Variants in PHACTR2 observed in about 807,000 individuals in gnomAD.
PHACTR2 encodes phosphatase and actin regulator 2.
A neutral mutation model predicts 76.0 loss-of-function variants in PHACTR2; 30 were observed. The ratio of observed to expected loss-of-function variants is 0.39; its 90% CI spans 0.30 to 0.54. The LOEUF is 0.54. PHACTR2 is among the 20% of genes least tolerant of loss of function. PHACTR2 has a pLI of 0.61. For missense variants in PHACTR2, 696 were observed against 781.1 expected, an observed-to-expected ratio of 0.89 and a Z score of 1.30; for synonymous variants, 292 against 292.5, an observed-to-expected ratio of 1.00 and a Z score of 0.02.
chr6:143,817,209 C>G (rs983573415), intron 12 of PHACTR2, among the ~76,000 whole-genome samples: 1 of 152,184 alleles, frequency 6.6e-6, no homozygotes, highest in African/African-American at 2.4e-5. Context: ...ATCCTTGCCC[C>G]TTGAATTCAA....
chr6:143,537,597 C>T lies in PHACTR2; in HGVS notation c.217+390C>T, dbSNP rs2128425964. ...GCGACTTTGGTCCCTCGGAAGGGTG[C>T]GGTTCCCTCACTTTGCGGGCTGGGA... On this transcript the variant is annotated intron_variant, in intron 1 of 11. Coordinates refer to the PHACTR2 transcript ENST00000367584. This position sits in a 1 kb window ranked among gnomAD's most constrained non-coding sequence, Gnocchi z 4.4. 1.3e-5 allele frequency among the ~76,000 whole-genome samples: 2 copies of T among 152,254 alleles called. No individual in the cohort carries two copies. Among genetic ancestry groups the T allele is most frequent in the South Asian group, 4.2e-4 (2 of 4,818 alleles).
intron 1 of PHACTR2, among the ~76,000 whole-genome samples, chr6:143,629,864 G>A (rs569798730): frequency 3.3e-5 from 5 of 152,228 alleles, no homozygotes; most frequent in Admixed American, 6.5e-5. Context: ...GTTCTGTGTC[G>A]TGTGTTATTC....
intron 2 of PHACTR2, among the ~76,000 whole-genome samples, chr6:143,714,836 A>T (rs537729817): frequency 6.6e-6 from 1 of 152,036 alleles, no homozygotes; most frequent in Non-Finnish European, 1.5e-5. Context: ...TTTCCCCTAC[A>T]TAATCATTTT....
At position 143,782,133 on chromosome 6, in the gene PHACTR2, T is replaced by A. The variant is rs938275490; in HGVS notation, c.1646-1086T>A. Among the ~76,000 whole-genome samples, 48 of 152,166 alleles carry A rather than the reference T, an allele frequency of 3.2e-4. No individual in the cohort carries two copies. The highest frequency in any genetic ancestry group is 5.1e-4 in the Non-Finnish European group (35 of 67,994). On this transcript the variant is annotated intron_variant, in intron 9 of 12. Transcript: ENST00000440869. The surrounding 1 kb of genome is among the most constrained non-coding windows in gnomAD (Gnocchi z 4.6). ...TCATACCTGTCATGGATTAAAAAAA[T>A]TTTTTTTAATTGAACCCGGGAAGCG...
rs1183834885 is a variant in PHACTR2 at position 143,591,379 on chromosome 6, C to A, written c.217+54172C>A. 6.6e-6 allele frequency among the ~76,000 whole-genome samples: 1 copy of A among 152,178 alleles called. No homozygotes were observed. Among genetic ancestry groups the A allele is most frequent in the African/African-American group, 2.4e-5 (1 of 41,438 alleles). ...ATGTTGAGAAAGAAAGAGAAACTTCCTGTTTTTTTCTAGGTGTTCCAGGTA... is the reference window on the plus strand; with the variant it reads ...ATGTTGAGAAAGAAAGAGAAACTTCATGTTTTTTTCTAGGTGTTCCAGGTA... On this transcript the variant is annotated intron_variant, in intron 1 of 11. Transcript: ENST00000367584. The surrounding 1 kb of genome is among the most constrained non-coding windows in gnomAD (Gnocchi z 6.4).
chr6:143,808,760 C>A (rs1185815039), intron 12 of PHACTR2, among the ~76,000 whole-genome samples: 1 of 152,038 alleles, frequency 6.6e-6, no homozygotes, highest in Admixed American at 6.6e-5. Flanking sequence ...ACATGTAGAG[C>A]GTTCCAACAT....
chr6:143,552,872 G>A (rs1256359668), intron 1 of PHACTR2, among the ~76,000 whole-genome samples: 15 of 114,880 alleles, frequency 1.3e-4, no homozygotes, highest in Admixed American at 1.0e-3. Flanking sequence ...AACTGAGCAA[G>A]ACTCCATCTC....
At position 143,827,196 on chromosome 6, in the gene PHACTR2, A is replaced by ATATATATATATATATG. The variant is rs1337456568; in HGVS notation, c.*3510_*3511insATATATATATATGTAT. 8.3e-6 allele frequency: 1 copy of ATATATATATATATATG among 120,188 alleles called. No individual in the cohort carries two copies. Among genetic ancestry groups the ATATATATATATATATG allele is most frequent in the African/African-American group, 3.0e-5 (1 of 33,066 alleles). 7.4% of individuals were successfully genotyped at this position (120,188 alleles called of 1,614,324 possible). A position where few individuals can be genotyped will look rare whatever the true frequency, so the allele number is the denominator to read the frequency against. On this transcript the variant is annotated 3_prime_UTR_variant, in exon 13 of 13. Transcript: ENST00000440869. ...TATATATATATATATATATATATAT[A>ATATATATATATATATG]TATGTATATTATATATACAGTAGCT...
In PHACTR2 at chr6:143,595,606, T is replaced by A. The variant is rs1437878355; in HGVS notation, c.217+58399T>A. ...TGAAGTTCCATGCCATGTATTTTATTTCAATAGCCACATTTTAGATGACAA... is the reference window on the plus strand; with the variant it reads ...TGAAGTTCCATGCCATGTATTTTATATCAATAGCCACATTTTAGATGACAA... On this transcript the variant is annotated intron_variant, in intron 1 of 11. Transcript: ENST00000367584. The surrounding 1 kb of genome is among the most constrained non-coding windows in gnomAD (Gnocchi z 4.2). Among the ~76,000 whole-genome samples the A allele has an allele frequency of 6.6e-6, 1 of 152,234 alleles. No homozygotes were observed. Among genetic ancestry groups the A allele is most frequent in the Non-Finnish European group, 1.5e-5 (1 of 68,046 alleles).
At position 143,580,791 on chromosome 6, in the gene PHACTR2, G is replaced by A. The variant is rs1211704685; in HGVS notation, c.217+43584G>A. On this transcript the variant is annotated intron_variant, in intron 1 of 11. Transcript: ENST00000367584. This position sits in a 1 kb window ranked among gnomAD's most constrained non-coding sequence, Gnocchi z 4.2. ...TAAATGTCTCTGAAGACAAGAAGGT[G>A]AGATAATTAAGAGACTTAGGTTTTG... 6.6e-6 allele frequency among the ~76,000 whole-genome samples: 1 copy of A among 152,226 alleles called. No homozygotes were observed. The highest frequency in any genetic ancestry group is 1.5e-5 in the Non-Finnish European group (1 of 68,048).
chr6:143,660,764 G>C (rs7741901), intron 1 of PHACTR2, among the ~76,000 whole-genome samples: 69,758 of 151,954 alleles, frequency 0.46, 16,033 homozygotes, highest in South Asian at 0.58. Flanking sequence ...ATTAAGGGCC[G>C]AGAGAACTTG....
Position 143,818,432 on chromosome 6 carries a change from A to G in PHACTR2, c.1923-5242A>G, listed in dbSNP as rs1466052202. ...GATATAGGAGTACTTTCATCGTAAG[A>G]TTGTTTTGGGGATTAAATGAGGAAA... On this transcript the variant is annotated intron_variant, in intron 12 of 12. Coordinates refer to ENST00000440869, the MANE Select transcript of PHACTR2 (RefSeq NM_001100164.2). This position sits in a 1 kb window ranked among gnomAD's most constrained non-coding sequence, Gnocchi z 4.9. 6.6e-6 allele frequency among the ~76,000 whole-genome samples: 1 copy of G among 152,152 alleles called. No individual in the cohort carries two copies. Among genetic ancestry groups the G allele is most frequent in the African/African-American group, 2.4e-5 (1 of 41,430 alleles).
In PHACTR2 at chr6:143,755,421, C is replaced by T. The variant is rs1779276791; in HGVS notation, c.454+1509C>T. 1.3e-5 allele frequency: 6 copies of T among 452,808 alleles called. No individual in the cohort carries two copies. Among genetic ancestry groups the T allele is most frequent in the Admixed American group, 2.4e-5 (1 of 42,220 alleles). The allele number at this position is 452,808 out of a possible 1,614,324, so 28.0% of individuals were successfully genotyped here. On this transcript the variant is annotated intron_variant, in intron 4 of 12. Transcript: ENST00000440869. The surrounding 1 kb of genome is among the most constrained non-coding windows in gnomAD (Gnocchi z 5.2). Reference sequence around the variant, plus strand: ...TGGTGCCTGGTCCGTGCAGGGTATTCGTCACTGGACTGGCCAGACATCAAA... The same window carrying T: ...TGGTGCCTGGTCCGTGCAGGGTATTTGTCACTGGACTGGCCAGACATCAAA...
rs921533971 is a variant in PHACTR2 at position 143,598,120 on chromosome 6, C to T, written c.217+60913C>T. Among the ~76,000 whole-genome samples the T allele has an allele frequency of 2.0e-5, 3 of 151,988 alleles. No individual in the cohort carries two copies. Among genetic ancestry groups the T allele is most frequent in the African/African-American group, 7.3e-5 (3 of 41,350 alleles). The stretch of plus-strand genomic sequence containing the variant: ...CCCAAAAAAGAACCATATCTTAACC[C>T]CTTAAACCTGTGAATATGTTACTTT... On this transcript the variant is annotated intron_variant, in intron 1 of 11. Coordinates refer to the PHACTR2 transcript ENST00000367584. The surrounding 1 kb of genome is among the most constrained non-coding windows in gnomAD (Gnocchi z 4.1).
rs957535508 is a variant in PHACTR2 at position 143,585,279 on chromosome 6, G to A, written c.217+48072G>A. ...GAGAAGGTGTTGGAAACCCAGCTAAGAAGTCACTGTCAGGAAGCAGGTCTG... is the reference window on the plus strand; with the variant it reads ...GAGAAGGTGTTGGAAACCCAGCTAAAAAGTCACTGTCAGGAAGCAGGTCTG... On this transcript the variant is annotated intron_variant, in intron 1 of 11. Coordinates refer to the PHACTR2 transcript ENST00000367584. The surrounding 1 kb of genome is among the most constrained non-coding windows in gnomAD (Gnocchi z 5.2). Among the ~76,000 whole-genome samples, 2 of 152,188 alleles carry A rather than the reference G, an allele frequency of 1.3e-5. No individual in the cohort carries two copies. Among genetic ancestry groups the A allele is most frequent in the South Asian group, 2.1e-4 (1 of 4,838 alleles).
At chr6:143,615,942 C>T (rs965567810) in intron 1 of PHACTR2, among the ~76,000 whole-genome samples, 2 of 152,120 alleles carry the variant, frequency 1.3e-5, no homozygotes, top group African/African-American at 4.8e-5. Flanking sequence ...ACTCTGTGAA[C>T]CAGTACAAGA....
At chr6:143,640,763 A>G (rs1776550193) in intron 1 of PHACTR2, among the ~76,000 whole-genome samples, 1 of 152,212 alleles carries the variant, frequency 6.6e-6, no homozygotes, top group Admixed American at 6.5e-5. Context: ...TCCTCAAAAG[A>G]TATGTCTATG....
At position 143,653,892 on chromosome 6, in the gene PHACTR2, T is replaced by C. The variant is rs1776804291; in HGVS notation, c.13+45570T>C. 6.6e-6 allele frequency among the ~76,000 whole-genome samples: 1 copy of C among 152,180 alleles called. No individual in the cohort carries two copies. The highest frequency in any genetic ancestry group is 6.5e-5 in the Admixed American group (1 of 15,268). On this transcript the variant is annotated intron_variant, in intron 1 of 11. Transcript: ENST00000305766. This position sits in a 1 kb window ranked among gnomAD's most constrained non-coding sequence, Gnocchi z 4.9. ...TTTGGACATCATCAAACTAAAAATG[T>C]TGTGGCTCAAAGGACACCATCTATA... is the stretch of plus-strand genomic sequence containing the variant.
chr6:143,661,360 A>G (rs755290117), intron 1 of PHACTR2, among the ~76,000 whole-genome samples: 2 of 152,204 alleles, frequency 1.3e-5, no homozygotes, highest in Non-Finnish European at 2.9e-5. Flanking sequence ...AAGAAATTCA[A>G]TAATCTAAAA....
Sources: allele counts gnomAD v4.1 joint callset (sites outside exome capture counted in the v4.1 genomes callset), GRCh38; gene constraint gnomAD v4.1.1; non-coding constraint Gnocchi (gnomAD v3.1); transcripts MANE v1.5; gene names NCBI Gene and HGNC (gene_info 2026-07-23, HGNC 2026-07-21).